Variants in CASK observed in about 807,000 individuals in gnomAD.
CASK encodes the protein peripheral plasma membrane protein CASK.
A neutral mutation model predicts 82.9 loss-of-function variants in CASK; 4 were observed. The observed-to-expected ratio is 0.05, with a 90% confidence interval of 0.02 to 0.11. The LOEUF is 0.11. Among genes scored for constraint, CASK ranks in the 10% least tolerant of loss-of-function variants. The pLI, the probability that CASK is intolerant of heterozygous loss-of-function variation, is 1.00. For missense variants in CASK, 358 were observed against 720.9 expected, an observed-to-expected ratio of 0.50 and a Z score of 5.76; for synonymous variants, 259 against 253.5, an observed-to-expected ratio of 1.02 and a Z score of -0.20.
intron 12 of CASK, among the ~76,000 whole-genome samples, chrX:41,604,560 A>T (rs1410296922): frequency 9.1e-6 from 1 of 109,793 alleles, no homozygotes; most frequent in East Asian, 2.8e-4. Flanking sequence ...GCCTTGATTT[A>T]GGACTTTCCA....
chrX:41,681,237 T>C (rs2067349475), intron 5 of CASK, among the ~76,000 whole-genome samples: 1 of 112,190 alleles, frequency 8.9e-6, no homozygotes, highest in African/African-American at 3.2e-5. Flanking sequence ...ATAAAACATA[T>C]TTAGATACTA....
At chrX:41,830,556 C>T (rs1351519448) in intron 2 of CASK, among the ~76,000 whole-genome samples, 4 of 110,980 alleles carry the variant, frequency 3.6e-5, no homozygotes, top group Non-Finnish European at 7.6e-5. Context: ...TGCGGTGGCT[C>T]ACGCCTGTAA....
intron 2 of CASK, among the ~76,000 whole-genome samples, chrX:41,846,977 A>T (rs771583564): frequency 3.3e-4 from 37 of 111,223 alleles, no homozygotes; most frequent in Non-Finnish European, 3.8e-4. Flanking sequence ...TTTTGAAAGA[A>T]ATCTGCTGTT....
At chrX:41,547,154 G>A (rs1327218880) in intron 21 of CASK, among the ~76,000 whole-genome samples, 2 of 110,521 alleles carry the variant, frequency 1.8e-5, no homozygotes, top group Non-Finnish European at 3.8e-5. Flanking sequence ...GGCTGGTCTC[G>A]AACTCCTGAC....
chrX:41,716,360 G>A (rs2068061384), intron 5 of CASK, among the ~76,000 whole-genome samples: 1 of 112,582 alleles, frequency 8.9e-6, no homozygotes, highest in Middle Eastern at 4.6e-3. Context: ...ACGAAGAGCT[G>A]CCTTATTTGC....
chrX:41,807,619 A>G (rs1466283538), intron 2 of CASK, among the ~76,000 whole-genome samples: 1 of 111,206 alleles, frequency 9.0e-6, no homozygotes, highest in East Asian at 2.8e-4. Context: ...CAACAGGTTT[A>G]TCTGGCTCAC....
intron 8 of CASK, among the ~76,000 whole-genome samples, chrX:41,654,722 C>T (rs954260935): frequency 9.0e-6 from 1 of 111,421 alleles, no homozygotes; most frequent in Non-Finnish European, 1.9e-5. Context: ...AAGTGGAAAT[C>T]GATGGGGTTA....
intron 1 of CASK, among the ~76,000 whole-genome samples, chrX:41,912,381 C>T (rs1279975820): frequency 1.0e-5 from 1 of 96,730 alleles, no homozygotes. Context: ...AATCTTGGCT[C>T]GCTGCAACCT....
intron 1 of CASK, among the ~76,000 whole-genome samples, chrX:41,858,543 T>A (rs966794029): frequency 5.0e-4 from 56 of 111,033 alleles, no homozygotes; most frequent in African/African-American, 1.8e-3. Flanking sequence ...CCTCCCCCTA[T>A]CCTGCACTAC....
At chrX:41,869,113 C>G (rs898535632) in intron 1 of CASK, among the ~76,000 whole-genome samples, 1 of 111,730 alleles carries the variant, frequency 9.0e-6, no homozygotes, top group South Asian at 3.8e-4. Flanking sequence ...AGGGAACTCA[C>G]AGTAGTGAGT....
intron 8 of CASK, chrX:41,660,121 TA>T (rs763018626): frequency 2.9e-6 from 1 of 345,018 alleles, no homozygotes; most frequent in Non-Finnish European, 5.0e-6. Context: ...TAATTTATTA[TA>T]ACATGGTATT....
intron 5 of CASK, chrX:41,727,915 C>T: frequency 8.3e-7 from 1 of 1,199,398 alleles, no homozygotes; most frequent in Non-Finnish European, 1.1e-6. Flanking sequence ...TCTCACCTGT[C>T]TTGCTTCGGC....
intron 1 of CASK, among the ~76,000 whole-genome samples, chrX:41,854,590 T>C (rs1297427321): frequency 8.9e-6 from 1 of 112,280 alleles, no homozygotes; most frequent in Non-Finnish European, 1.9e-5. Flanking sequence ...GTACTACACT[T>C]GTGATACTGC....
rs769641457 is a variant in CASK, at chrX:41,810,845, G to A, written c.173-23562C>T. On this transcript the variant is annotated intron_variant, in intron 2 of 26. Transcript: ENST00000378163. ...GCTGTATTCAGGAGACACATCTCAC[G>A]TGCAGAGACACACATAGGCTCAAAA... 5.0e-3 allele frequency among the ~76,000 whole-genome samples: 561 copies of A among 111,607 alleles called. 1 individual carries two copies. The highest frequency in any genetic ancestry group is 8.6e-3 in the Non-Finnish European group (459 of 53,146).
At chrX:41,892,129 G>C (rs1459735611) in intron 1 of CASK, among the ~76,000 whole-genome samples, 1 of 110,437 alleles carries the variant, frequency 9.1e-6, no homozygotes, top group African/African-American at 3.3e-5. Flanking sequence ...GGAGGTTGAG[G>C]CTGCAGTGAG....
chrX:41,581,149 A>G (rs1019365936), intron 14 of CASK, among the ~76,000 whole-genome samples: 3 of 111,545 alleles, frequency 2.7e-5, no homozygotes, highest in Admixed American at 9.5e-5. Flanking sequence ...GATGCCAAGG[A>G]AAGAGGACTG....
intron 4 of CASK, among the ~76,000 whole-genome samples, chrX:41,744,938 C>T (rs943050286): frequency 8.9e-6 from 1 of 111,880 alleles, no homozygotes; most frequent in African/African-American, 3.3e-5. Context: ...TCCCCGCTTC[C>T]TGTACAAAAA....
intron 1 of CASK, among the ~76,000 whole-genome samples, chrX:41,878,206 G>C (rs1415249932): frequency 9.1e-6 from 1 of 109,579 alleles, no homozygotes; most frequent in Non-Finnish European, 1.9e-5. Flanking sequence ...TTTGGGAATA[G>C]GGCATTGCAA....
At chrX:41,737,463 A>T (rs1447318323) in intron 5 of CASK, among the ~76,000 whole-genome samples, 1 of 112,139 alleles carries the variant, frequency 8.9e-6, no homozygotes, top group African/African-American at 3.2e-5. Flanking sequence ...TTATCTCCCT[A>T]CTGAGACCAT....
Sources: gnomAD v4.1 joint callset for allele counts (sites outside exome capture counted in the v4.1 genomes callset) on GRCh38, gnomAD v4.1.1 for gene constraint, MANE v1.5 for transcripts, NCBI Gene and HGNC (gene_info 2026-07-23, HGNC 2026-07-21) for gene names.